SMARCA2: variants seen among roughly 807,000 people sequenced by gnomAD.
SMARCA2 encodes the protein SWI/SNF related BAF chromatin remodeling complex subunit ATPase 2.
In SMARCA2, 61 loss-of-function variants were observed where a neutral mutation model predicts 199.8. The ratio of observed to expected loss-of-function variants is 0.31; its 90% CI spans 0.25 to 0.38. SMARCA2 has a LOEUF of 0.38. SMARCA2 is among the 10% of genes least tolerant of loss of function. The pLI, the probability that SMARCA2 is intolerant of heterozygous loss-of-function variation, is 1.00. For missense variants in SMARCA2, 1,344 were observed against 2,012.2 expected (o/e 0.67, Z 6.35); for synonymous variants, 935 against 732.0 (o/e 1.28, Z -4.48).
intron 27 of SMARCA2, among the ~76,000 whole-genome samples, chr9:2,130,388 C>T (rs1451297932): frequency 6.6e-6 from 1 of 152,150 alleles, no homozygotes; most frequent in Non-Finnish European, 1.5e-5. Flanking sequence ...GATGAGAATC[C>T]CAGTCCGCTA....
intron 33 of SMARCA2, 155 bp from the exon 34 acceptor site, chr9:2,192,549 T>G: frequency 1.4e-6 from 1 of 697,664 alleles, no homozygotes; most frequent in Non-Finnish European, 2.6e-6. Context: ...TGTCGATGCC[T>G]CTTTAATGTG....
At position 2,025,188 on chromosome 9, in the gene SMARCA2, G is replaced by A. The variant is rs547085919; in HGVS notation, c.-36-3799G>A. Among the ~76,000 whole-genome samples, 139 of 152,272 alleles carry A rather than the reference G, an allele frequency of 9.1e-4. No homozygotes were observed. The Middle Eastern group carries it at 0.014, about 15-fold the overall frequency. ...AAACACACACTCTCTAGTTGTGAATGTAGGAAAGTGGGAAGTAAGGACGAA... is the reference window on the plus strand; with the variant it reads ...AAACACACACTCTCTAGTTGTGAATATAGGAAAGTGGGAAGTAAGGACGAA... On this transcript the variant is annotated intron_variant, in intron 1 of 33. Coordinates refer to ENST00000349721, the MANE Select transcript of SMARCA2 (RefSeq NM_003070.5).
intron 3 of SMARCA2, among the ~76,000 whole-genome samples, chr9:2,033,481 C>T (rs1467523040): frequency 6.6e-6 from 1 of 152,192 alleles, no homozygotes; most frequent in Non-Finnish European, 1.5e-5. Flanking sequence ...AGAATCTAGG[C>T]CTGCTTCCCA....
At chr9:2,031,189 C>T (rs1482554142) in intron 2 of SMARCA2, among the ~76,000 whole-genome samples, 2 of 152,010 alleles carry the variant, frequency 1.3e-5, no homozygotes, top group Non-Finnish European at 2.9e-5. Flanking sequence ...TTATGGATAT[C>T]CCTATGACAT....
At chr9:2,146,001 T>A (rs1824722852) in intron 27 of SMARCA2, among the ~76,000 whole-genome samples, 1 of 152,184 alleles carries the variant, frequency 6.6e-6, no homozygotes, top group African/African-American at 2.4e-5. Flanking sequence ...CAGTGTGGCA[T>A]GGGCTTTGTG....
chr9:2,190,204 G>GA (rs1827781593), intron 32 of SMARCA2, among the ~76,000 whole-genome samples: 1 of 152,278 alleles, frequency 6.6e-6, no homozygotes, highest in South Asian at 2.1e-4. Context: ...TGTGAAGGTG[G>GA]AAATGGGTGC....
chr9:2,137,167 G>A (rs1488798874), intron 27 of SMARCA2, among the ~76,000 whole-genome samples: 1 of 152,200 alleles, frequency 6.6e-6, no homozygotes, highest in Non-Finnish European at 1.5e-5. Flanking sequence ...GGCTTTAGGT[G>A]CCAAAGTAAT....
intron 4 of SMARCA2, chr9:2,041,200 G>C (rs189097636): frequency 7.8e-4 from 310 of 396,542 alleles, no homozygotes; most frequent in Non-Finnish European, 9.4e-4. Context: ...CCAAGAGTAG[G>C]CCTACCTAAG....
chr9:2,034,865 G>A (rs1819252651), intron 3 of SMARCA2, among the ~76,000 whole-genome samples: 1 of 152,108 alleles, frequency 6.6e-6, no homozygotes, highest in South Asian at 2.1e-4. Flanking sequence ...TGTCAGAAGA[G>A]CAGCCTAAAA....
intron 23 of SMARCA2, among the ~76,000 whole-genome samples, chr9:2,105,353 C>G (rs1486994151): frequency 6.6e-6 from 1 of 152,020 alleles, no homozygotes; most frequent in Non-Finnish European, 1.5e-5. Flanking sequence ...TCAGGTGATT[C>G]TCCTGCCTCA....
chr9:2,135,583 C>T (rs1824157769), intron 27 of SMARCA2, among the ~76,000 whole-genome samples: 1 of 152,192 alleles, frequency 6.6e-6, no homozygotes, highest in Non-Finnish European at 1.5e-5. Flanking sequence ...CCTGAAGCAG[C>T]TATTATGGAG....
chr9:2,079,975 C>T (rs1263986731), intron 14 of SMARCA2: 1 of 152,236 alleles, frequency 6.6e-6, no homozygotes, highest in Non-Finnish European at 1.5e-5. Context: ...CCCGAACATG[C>T]CTTGCAGTGT....
intron 9 of SMARCA2, among the ~76,000 whole-genome samples, chr9:2,068,286 T>C (rs1249066085): frequency 6.6e-6 from 1 of 152,234 alleles, no homozygotes; most frequent in African/African-American, 2.4e-5. Flanking sequence ...TAAATGTTTT[T>C]GCTCTGAGGT....
chr9:2,038,821 C>T (rs1819447923), intron 3 of SMARCA2, among the ~76,000 whole-genome samples: 1 of 152,144 alleles, frequency 6.6e-6, no homozygotes, highest in Non-Finnish European at 1.5e-5. Context: ...CAAGTCAACT[C>T]CTTGCATAGT....
intron 31 of SMARCA2, among the ~76,000 whole-genome samples, chr9:2,185,147 C>G (rs549965042): frequency 1.2e-3 from 186 of 152,260 alleles, no homozygotes; most frequent in African/African-American, 4.3e-3. Context: ...AATCTTGCGA[C>G]TCTGAAACTG....
chr9:2,047,705 G>T, intron 5 of SMARCA2: 1 of 351,138 alleles, frequency 2.8e-6, no homozygotes, highest in Non-Finnish European at 4.8e-6. Flanking sequence ...ACCCGAGAGA[G>T]TGATCATCTC....
intron 27 of SMARCA2, among the ~76,000 whole-genome samples, chr9:2,149,246 G>C (rs144410990): frequency 4.0e-5 from 6 of 151,326 alleles, no homozygotes; most frequent in Admixed American, 2.6e-4. Flanking sequence ...GGCTGGGTGT[G>C]GTGGCTCACA....
intron 4 of SMARCA2, chr9:2,046,098 AT>A (rs1278421469): frequency 3.3e-5 from 5 of 152,098 alleles, no homozygotes; most frequent in African/African-American, 1.2e-4. Context: ...TTTAATAGCT[AT>A]TTTTTCTTAG....
chr9:2,119,502 T>A lies in SMARCA2; in HGVS notation c.3729T>A (p.Ile1243=), dbSNP rs532483020. Residue 1243 remains isoleucine (I), a synonymous_variant, in exon 26 of 34, where the codon ATT becomes ATA. Coordinates refer to ENST00000349721, the MANE Select transcript of SMARCA2 (RefSeq NM_003070.5). This position sits in a 1 kb window ranked among gnomAD's most constrained non-coding sequence, Gnocchi z 4.6. The stretch of plus-strand genomic sequence containing the variant: ...ACGATGAGACTCTGAACCAAATGAT[T>A]GCTCGACGAGAAGAAGAATTTGACC... ...VPDDETLNQM[I]ARREEEFDLF... 3.1e-6 allele frequency: 5 copies of A among 1,613,370 alleles called. No homozygotes were observed. Among genetic ancestry groups the A allele is most frequent in the Non-Finnish European group, 4.2e-6 (5 of 1,179,320 alleles).
Sources: allele counts gnomAD v4.1 joint callset (sites outside exome capture counted in the v4.1 genomes callset), GRCh38; gene constraint gnomAD v4.1.1; non-coding constraint Gnocchi (gnomAD v3.1); transcripts MANE v1.5; gene names NCBI Gene and HGNC (gene_info 2026-07-23, HGNC 2026-07-21).